CNTN4: variants seen among roughly 807,000 people sequenced by gnomAD.
The protein encoded by CNTN4 is contactin-4.
In CNTN4, 77 loss-of-function variants were observed where a neutral mutation model predicts 122.5. The observed-to-expected ratio is 0.63, with a 90% CI of 0.52 to 0.76. The LOEUF (loss-of-function observed/expected upper bound fraction) is 0.76, where lower values mean the gene tolerates loss of function less well. Among genes scored for constraint, CNTN4 ranks in the 30% least tolerant of loss-of-function variants. The pLI, the probability that CNTN4 is intolerant of heterozygous loss-of-function variation, is 0.00. For missense variants in CNTN4, 1,256 were observed against 1,259.1 expected, an observed-to-expected ratio of 1.00 and a Z score of 0.04; for synonymous variants, 512 against 447.0, an observed-to-expected ratio of 1.15 and a Z score of -1.83.
At chr3:2,861,963 G>A (rs913719503) in intron 7 of CNTN4, among the ~76,000 whole-genome samples, 1 of 152,174 alleles carries the variant, frequency 6.6e-6, no homozygotes, top group African/African-American at 2.4e-5. Context: ...AGGAACATAT[G>A]GCTTCCTAAC....
At chr3:3,024,557 C>G (rs1698572232) in intron 14 of CNTN4, among the ~76,000 whole-genome samples, 1 of 151,974 alleles carries the variant, frequency 6.6e-6, no homozygotes, top group African/African-American at 2.4e-5. Flanking sequence ...CTTCTCATTT[C>G]ATGGACATCA....
At chr3:2,180,796 C>A (rs755050185) in intron 2 of CNTN4, among the ~76,000 whole-genome samples, 10 of 152,080 alleles carry the variant, frequency 6.6e-5, no homozygotes, top group Non-Finnish European at 1.0e-4. Context: ...CCTTAGCAAC[C>A]ATCTGATTGT....
rs560910575 is a variant in CNTN4 at position 2,659,150 on chromosome 3, A to T, written c.56-77065A>T. Among the ~76,000 whole-genome samples the T allele has an allele frequency of 9.2e-5, 14 of 152,224 alleles. No homozygotes were observed. The East Asian group carries it at 2.7e-3, about 29-fold the overall frequency. On this transcript the variant is annotated intron_variant, in intron 4 of 24. Coordinates refer to ENST00000418658, the MANE Select transcript of CNTN4 (RefSeq NM_175607.3). ...TTGATACTCTTTATTGAAGAGTAAA[A>T]TTCAGTAAGAACCTTCTTAAAAATA... is the stretch of plus-strand genomic sequence containing the variant.
chr3:2,860,654 G>T (rs73805419), intron 7 of CNTN4, among the ~76,000 whole-genome samples: 1 of 152,160 alleles, frequency 6.6e-6, no homozygotes, highest in African/African-American at 2.4e-5. Context: ...CTAAGACACT[G>T]CCCCTCCACT....
At chr3:2,174,853 A>T (rs1274285300) in intron 2 of CNTN4, among the ~76,000 whole-genome samples, 1 of 152,150 alleles carries the variant, frequency 6.6e-6, no homozygotes, top group African/African-American at 2.4e-5. Context: ...CAAAAGCAGG[A>T]GCAAGAGAGT....
At position 2,994,732 on chromosome 3, in the gene CNTN4, C is replaced by G. The variant is rs147473607; in HGVS notation, c.1486+6260C>G. Among the ~76,000 whole-genome samples the G allele has an allele frequency of 7.2e-5, 11 of 152,142 alleles. No individual in the cohort carries two copies. In the East Asian group the frequency reaches 2.1e-3, roughly 29 times the overall value. The stretch of plus-strand genomic sequence containing the variant: ...ATTGGGAAATATCAACCTTTCCATG[C>G]ATAGCATAATAGACGCAATAAAGTA... On this transcript the variant is annotated intron_variant, in intron 14 of 24. Transcript: ENST00000418658.
intron 2 of CNTN4, among the ~76,000 whole-genome samples, chr3:2,336,912 T>G (rs2043975690): frequency 6.6e-6 from 1 of 152,164 alleles, no homozygotes; most frequent in Non-Finnish European, 1.5e-5. Flanking sequence ...TCTCAAGTGT[T>G]GCAATTCAAA....
chr3:2,574,573 A>G (rs540891921), intron 4 of CNTN4, among the ~76,000 whole-genome samples: 2 of 152,302 alleles, frequency 1.3e-5, no homozygotes, highest in South Asian at 4.1e-4. Context: ...CAAATAAACC[A>G]AAACTATTGA....
chr3:2,178,328 A>G (rs2036847637), intron 2 of CNTN4, among the ~76,000 whole-genome samples: 1 of 152,096 alleles, frequency 6.6e-6, no homozygotes, highest in East Asian at 1.9e-4. Flanking sequence ...AAAGAATTAT[A>G]GAAACGTTCT....
intron 4 of CNTN4, among the ~76,000 whole-genome samples, chr3:2,610,552 G>A (rs764815604): frequency 6.6e-6 from 1 of 152,080 alleles, no homozygotes; most frequent in Non-Finnish European, 1.5e-5. Flanking sequence ...TCATGATGAC[G>A]TGTTGTTTTA....
At chr3:2,666,759 A>G (rs1283022749) in intron 4 of CNTN4, among the ~76,000 whole-genome samples, 4 of 101,114 alleles carry the variant, frequency 4.0e-5, no homozygotes, top group Non-Finnish European at 5.6e-5. Flanking sequence ...CCACCCCACA[A>G]CAGGCCCCAG....
At chr3:2,437,429 C>G (rs1311351929) in intron 3 of CNTN4, among the ~76,000 whole-genome samples, 2 of 152,128 alleles carry the variant, frequency 1.3e-5, no homozygotes, top group Non-Finnish European at 1.5e-5. Context: ...CGTAAATGTG[C>G]ATTTTATGTA....
At chr3:2,735,999 ATG>A (rs757794670) in intron 4 of CNTN4, 2 of 672,662 alleles carry the variant, frequency 3.0e-6, no homozygotes, top group South Asian at 2.8e-5. Context: ...TTAGTGACCA[ATG>A]TGAAATAAGA....
At position 2,725,550 on chromosome 3, in the gene CNTN4, T is replaced by C. The variant is rs115809959; in HGVS notation, c.56-10665T>C. ...TAACAGTCTCCAGAATGACTTAGATTGTAGTTATATATATTTTTTTACAAC... is the reference window on the plus strand; with the variant it reads ...TAACAGTCTCCAGAATGACTTAGATCGTAGTTATATATATTTTTTTACAAC... On this transcript the variant is annotated intron_variant, in intron 4 of 24. Coordinates refer to ENST00000418658, the MANE Select transcript of CNTN4 (RefSeq NM_175607.3). Among the ~76,000 whole-genome samples the C allele has an allele frequency of 3.8e-3, 585 of 152,248 alleles. 4 individuals carry two copies. The highest frequency in any genetic ancestry group is 0.013 in the African/African-American group (552 of 41,512).
chr3:2,398,194 CTT>C (rs1439148015), intron 3 of CNTN4, among the ~76,000 whole-genome samples: 1 of 152,020 alleles, frequency 6.6e-6, no homozygotes, highest in Admixed American at 6.6e-5. Context: ...ATTATGAAAA[CTT>C]TTAAGTATGC....
chr3:2,594,189 A>G (rs1188031101), intron 4 of CNTN4, among the ~76,000 whole-genome samples: 1 of 150,718 alleles, frequency 6.6e-6, no homozygotes, highest in East Asian at 2.0e-4. Flanking sequence ...GGAGAGCTAC[A>G]TTTTCTTGGA....
chr3:3,035,409 T>C (rs1335690538), intron 17 of CNTN4, among the ~76,000 whole-genome samples: 1 of 152,178 alleles, frequency 6.6e-6, no homozygotes, highest in African/African-American at 2.4e-5. Context: ...TCAATCTGTA[T>C]TACCTAAAAT....
At chr3:2,360,219 CTGTT>C (rs2045068194) in intron 3 of CNTN4, among the ~76,000 whole-genome samples, 2 of 152,112 alleles carry the variant, frequency 1.3e-5, no homozygotes. Context: ...GAAATCTATT[CTGTT>C]TGAGAACTTC....
intron 12 of CNTN4, among the ~76,000 whole-genome samples, chr3:2,922,773 A>C (rs2094441347): frequency 6.6e-6 from 1 of 151,938 alleles, no homozygotes; most frequent in Non-Finnish European, 1.5e-5. Context: ...CACCACGCCC[A>C]GCTAATTTTG....
Sources: gnomAD v4.1 joint callset for allele counts (sites outside exome capture counted in the v4.1 genomes callset) on GRCh38, gnomAD v4.1.1 for gene constraint, MANE v1.5 for transcripts, NCBI Gene and HGNC (gene_info 2026-07-23, HGNC 2026-07-21) for gene names.